CSMD3: variants seen among roughly 807,000 people sequenced by gnomAD.
CSMD3 encodes CUB and Sushi multiple domains 3.
Under a neutral mutation model 435.2 loss-of-function variants are expected in CSMD3, and 177 were observed. The observed-to-expected ratio is 0.41, with a 90% CI of 0.36 to 0.46. The LOEUF (loss-of-function observed/expected upper bound fraction) is 0.46. Among genes scored for constraint, CSMD3 ranks in the 20% least tolerant of loss-of-function variants. The pLI is 0.34. For synonymous variants in CSMD3, 1,656 were observed against 1,520.5 expected, an observed-to-expected ratio of 1.09 and a Z score of -2.07; for missense variants, 4,265 against 4,504.6, an observed-to-expected ratio of 0.95 and a Z score of 1.52.
At chr8:112,286,395 CAT>C (rs1819202175) in intron 58 of CSMD3, among the ~76,000 whole-genome samples, 1 of 152,048 alleles carries the variant, frequency 6.6e-6, no homozygotes, top group Admixed American at 6.6e-5. Context: ...GATGAAATAT[CAT>C]GTCGTCCCAC....
intron 12 of CSMD3, among the ~76,000 whole-genome samples, chr8:112,826,298 C>A (rs1470120239): frequency 2.0e-5 from 3 of 152,054 alleles, no homozygotes; most frequent in Non-Finnish European, 4.4e-5. Flanking sequence ...GGCTACCAAC[C>A]CTCCCCCAAG....
At chr8:112,876,887 G>T (rs553819399) in intron 10 of CSMD3, among the ~76,000 whole-genome samples, 7 of 152,154 alleles carry the variant, frequency 4.6e-5, no homozygotes, top group Non-Finnish European at 8.8e-5. Flanking sequence ...AACTCTTTAA[G>T]CTGATAAGCA....
chr8:112,323,875 A>G (rs1823242189), intron 45 of CSMD3, among the ~76,000 whole-genome samples: 1 of 152,056 alleles, frequency 6.6e-6, no homozygotes. Context: ...AAAATGCCAC[A>G]TCAAAATATG....
chr8:112,405,246 T>TATATATATACATACACACAC (rs1199452249), intron 35 of CSMD3, among the ~76,000 whole-genome samples: 1 of 81,536 alleles, frequency 1.2e-5, no homozygotes, highest in Non-Finnish European at 2.3e-5. Flanking sequence ...TATATATATA[T>TATATATATACATACACACAC]ACATATATAT....
intron 32 of CSMD3, among the ~76,000 whole-genome samples, chr8:112,411,105 A>G (rs1811287654): frequency 7.0e-6 from 1 of 142,700 alleles, no homozygotes; most frequent in Admixed American, 7.4e-5. Flanking sequence ...TCTGAGGAAA[A>G]AGAAAAAAAA....
intron 10 of CSMD3, among the ~76,000 whole-genome samples, chr8:112,890,103 T>C (rs1300052955): frequency 7.2e-5 from 11 of 151,748 alleles, no homozygotes; most frequent in Non-Finnish European, 1.0e-4. Context: ...CACAGTAGTA[T>C]ACTGTATTCA....
At chr8:112,613,507 A>G (rs1215643815) in intron 22 of CSMD3, among the ~76,000 whole-genome samples, 1 of 152,170 alleles carries the variant, frequency 6.6e-6, no homozygotes, top group African/African-American at 2.4e-5. Context: ...TAATCACATA[A>G]TTTCAAAGAT....
intron 30 of CSMD3, among the ~76,000 whole-genome samples, chr8:112,493,474 C>T (rs1265190807): frequency 6.6e-6 from 1 of 151,990 alleles, no homozygotes; most frequent in Non-Finnish European, 1.5e-5. Context: ...ATTTGTCTGC[C>T]CTGCAACCAT....
intron 31 of CSMD3, among the ~76,000 whole-genome samples, chr8:112,478,528 G>A (rs1819296829): frequency 6.6e-6 from 1 of 152,162 alleles, no homozygotes; most frequent in East Asian, 1.9e-4. Context: ...TCATGTCCTA[G>A]TACATGTCCT....
At chr8:112,539,927 T>G (rs539550429) in intron 27 of CSMD3, among the ~76,000 whole-genome samples, 24 of 152,004 alleles carry the variant, frequency 1.6e-4, no homozygotes, top group African/African-American at 5.8e-4. Context: ...ACAGCTTCTG[T>G]AAAGCAAAGT....
At chr8:112,911,016 C>A (rs1195521095) in intron 10 of CSMD3, among the ~76,000 whole-genome samples, 1 of 151,902 alleles carries the variant, frequency 6.6e-6, no homozygotes, top group African/African-American at 2.4e-5. Flanking sequence ...TTGCTTCTAG[C>A]TGCTCCTATT....
At chr8:112,982,555 C>T (rs1469966134) in intron 6 of CSMD3, among the ~76,000 whole-genome samples, 5 of 151,860 alleles carry the variant, frequency 3.3e-5, no homozygotes, top group African/African-American at 1.2e-4. Flanking sequence ...CATTCATTTC[C>T]ACGTAAAATC....
intron 13 of CSMD3, among the ~76,000 whole-genome samples, chr8:112,790,607 C>T (rs2078663195): frequency 6.6e-6 from 1 of 151,924 alleles, no homozygotes. Context: ...ATAAATTTCC[C>T]CTATCGTAAT....
intron 13 of CSMD3, among the ~76,000 whole-genome samples, chr8:112,717,460 G>T (rs745405405): frequency 2.0e-5 from 3 of 152,196 alleles, no homozygotes; most frequent in African/African-American, 2.4e-5. Context: ...TTACACTGTT[G>T]TTGGGAATGT....
intron 1 of CSMD3, among the ~76,000 whole-genome samples, chr8:113,342,247 T>C (rs1001599969): frequency 2.0e-5 from 3 of 152,108 alleles, no homozygotes; most frequent in African/African-American, 7.2e-5. Flanking sequence ...ATGTAAACAC[T>C]AGACTATAAC....
chr8:113,419,147 G>A (rs187926318), intron 1 of CSMD3, among the ~76,000 whole-genome samples: 1 of 147,804 alleles, frequency 6.8e-6, no homozygotes, highest in African/African-American at 2.5e-5. Context: ...TTTTGACAGG[G>A]TCTCACTGTC....
intron 32 of CSMD3, among the ~76,000 whole-genome samples, chr8:112,460,226 TAC>T (rs1211706134): frequency 6.6e-6 from 1 of 152,150 alleles, no homozygotes; most frequent in Non-Finnish European, 1.5e-5. Flanking sequence ...GCTGGATGTA[TAC>T]ACACAGTGTA....
chr8:113,164,689 A>G (rs2092115854), intron 4 of CSMD3, among the ~76,000 whole-genome samples: 1 of 152,086 alleles, frequency 6.6e-6, no homozygotes, highest in Admixed American at 6.6e-5. Context: ...GATATGAAAG[A>G]ACTTTCATCA....
intron 3 of CSMD3, among the ~76,000 whole-genome samples, chr8:113,210,675 C>G (rs917451624): frequency 7.9e-5 from 12 of 151,718 alleles, no homozygotes; most frequent in Non-Finnish European, 1.2e-4. Context: ...GTCAGGAGTT[C>G]GAGACCAGCC....
Sources: allele counts gnomAD v4.1 joint callset (sites outside exome capture counted in the v4.1 genomes callset), GRCh38; gene constraint gnomAD v4.1.1; transcripts MANE v1.5; gene names NCBI Gene and HGNC (gene_info 2026-07-23, HGNC 2026-07-21).